Variants in FOXP2 observed in about 807,000 individuals in gnomAD.
FOXP2 encodes forkhead box protein P2.
FOXP2 carries 12 observed loss-of-function variants against 115.8 expected under a neutral mutation model. The observed-to-expected ratio is 0.10, with a 90% CI of 0.07 to 0.17. The LOEUF (loss-of-function observed/expected upper bound fraction) is 0.17, where lower values mean the gene tolerates loss of function less well. FOXP2 is among the 10% of genes least tolerant of loss of function. The pLI, the probability that FOXP2 is intolerant of heterozygous loss-of-function variation, is 1.00. For synonymous variants in FOXP2, 328 were observed against 297.7 expected, an observed-to-expected ratio of 1.10 and a Z score of -1.05; for missense variants, 629 against 843.5, an observed-to-expected ratio of 0.75 and a Z score of 3.15.
chr7:114,188,746 A>G (rs1376595254), intron 1 of FOXP2, among the ~76,000 whole-genome samples: 1 of 152,198 alleles, frequency 6.6e-6, no homozygotes, highest in Admixed American at 6.5e-5. Context: ...CCAATTTGCA[A>G]ACTCCATGAG....
chr7:114,324,482 A>T (rs954569020), intron 2 of FOXP2, among the ~76,000 whole-genome samples: 1 of 151,828 alleles, frequency 6.6e-6, no homozygotes, highest in Non-Finnish European at 1.5e-5. Flanking sequence ...TCTCTCTTCT[A>T]TACTTCTTGC....
intron 2 of FOXP2, among the ~76,000 whole-genome samples, chr7:114,315,513 G>A (rs1041639397): frequency 9.9e-5 from 15 of 151,558 alleles, no homozygotes; most frequent in African/African-American, 3.2e-4. Flanking sequence ...TTATATTTTG[G>A]GCTAGATAGA....
At chr7:114,652,177 C>T (rs754012342) in intron 8 of FOXP2, 26 bp from the exon 9 acceptor site, 2 of 1,607,764 alleles carry the variant, frequency 1.2e-6, no homozygotes, top group East Asian at 2.2e-5. Context: ...ACTTTACATT[C>T]TGTTTTGTGT....
intron 1 of FOXP2, among the ~76,000 whole-genome samples, chr7:114,203,118 G>A (rs1794113910): frequency 6.6e-6 from 1 of 152,154 alleles, no homozygotes; most frequent in African/African-American, 2.4e-5. Context: ...TGGTTTCTGA[G>A]GATTCATTGC....
intron 16 of FOXP2, among the ~76,000 whole-genome samples, chr7:114,678,545 C>CTATTTT (rs1475291523): frequency 4.1e-5 from 3 of 73,266 alleles, no homozygotes; most frequent in African/African-American, 1.1e-4. Context: ...AAATAAGTGA[C>CTATTTT]TCTTTTTTTT....
Position 114,658,163 on chromosome 7 carries a change from C to T in FOXP2, c.1364C>T (p.Thr455Ile), listed in dbSNP as rs1806687749. Residue 455 changes from threonine (T) to isoleucine (I), a missense_variant, in exon 11 of 17, where the codon ACC becomes ATC. Transcript: ENST00000350908. ...QTPTTPTAPV[T>I]PITQGPSVIT... ...CCTACCACACCAACGGCCCCAGTCA[C>T]CCCGATTACCCAGGGACCCTCAGTA... 1.2e-6 allele frequency: 2 copies of T among 1,613,782 alleles called. No homozygotes were observed. The highest frequency in any genetic ancestry group is 1.7e-6 in the Non-Finnish European group (2 of 1,179,900).
chr7:114,273,390 T>G (rs184674258), intron 1 of FOXP2, among the ~76,000 whole-genome samples: 30 of 152,162 alleles, frequency 2.0e-4, no homozygotes, highest in Admixed American at 5.9e-4. Context: ...TGTTCCCATG[T>G]GAGCTTGAGA....
chr7:114,372,530 G>C (rs552385885), intron 2 of FOXP2, among the ~76,000 whole-genome samples: 54 of 152,266 alleles, frequency 3.5e-4, no homozygotes, highest in Middle Eastern at 3.4e-3. Flanking sequence ...TACTCTATGT[G>C]AGTTTTCTCA....
intron 2 of FOXP2, among the ~76,000 whole-genome samples, chr7:114,312,434 C>G (rs1328962343): frequency 6.6e-6 from 1 of 152,102 alleles, no homozygotes. Context: ...TGAGAACATT[C>G]ACTTATGGAA....
intron 1 of FOXP2, among the ~76,000 whole-genome samples, chr7:114,281,220 G>A (rs1212724311): frequency 1.4e-5 from 2 of 146,848 alleles, no homozygotes; most frequent in African/African-American, 5.0e-5. Flanking sequence ...TCATGCCTCA[G>A]CCTCCCAAGT....
chr7:114,176,298 T>TTCTCTCTTTCTCTCTCTC (rs1793303365), intron 1 of FOXP2, among the ~76,000 whole-genome samples: 1 of 76,516 alleles, frequency 1.3e-5, no homozygotes, highest in African/African-American at 5.4e-5. Context: ...CTTTCTTTCT[T>TTCTCTCTTTCTCTCTCTC]TCTCTCTCTC....
At position 114,632,438 on chromosome 7, in the gene FOXP2, C is replaced by A. The variant is rs143862306; in HGVS notation, c.775+733C>A. On this transcript the variant is annotated intron_variant, in intron 6 of 16. Coordinates refer to ENST00000350908, the MANE Select transcript of FOXP2 (RefSeq NM_014491.4). ...ATAATGGTAAACAAATGACTGTGTGCTAAAATTCTCAATTCAGGTAAGTTA... is the reference window on the plus strand; with the variant it reads ...ATAATGGTAAACAAATGACTGTGTGATAAAATTCTCAATTCAGGTAAGTTA... Among the ~76,000 whole-genome samples, 24 of 152,204 alleles carry A rather than the reference C, an allele frequency of 1.6e-4. No homozygotes were observed. The East Asian group carries it at 3.7e-3, about 23-fold the overall frequency.
intron 2 of FOXP2, among the ~76,000 whole-genome samples, chr7:114,489,294 GT>G (rs911719911): frequency 6.6e-6 from 1 of 151,852 alleles, no homozygotes; most frequent in African/African-American, 2.4e-5. Flanking sequence ...TATAAGTTGG[GT>G]TTTTTTGAAA....
chr7:114,591,094 A>G (rs1802415965), intron 3 of FOXP2, among the ~76,000 whole-genome samples: 1 of 152,128 alleles, frequency 6.6e-6, no homozygotes, highest in African/African-American at 2.4e-5. Context: ...TCCTAAAAAT[A>G]TTGCTTTATG....
intron 2 of FOXP2, among the ~76,000 whole-genome samples, chr7:114,477,307 T>C (rs916960029): frequency 6.6e-6 from 1 of 151,916 alleles, no homozygotes; most frequent in African/African-American, 2.4e-5. Context: ...ACCATGTACA[T>C]CATGAAATAC....
At chr7:114,618,300 A>C (rs1247765696) in intron 3 of FOXP2, among the ~76,000 whole-genome samples, 1 of 152,242 alleles carries the variant, frequency 6.6e-6, no homozygotes, top group African/African-American at 2.4e-5. Flanking sequence ...TGTTGGAGGA[A>C]TACAAACCCT....
chr7:114,519,160 A>T (rs944555459), intron 2 of FOXP2, among the ~76,000 whole-genome samples: 2 of 152,196 alleles, frequency 1.3e-5, no homozygotes, highest in Non-Finnish European at 2.9e-5. Flanking sequence ...TCTTTAAAAT[A>T]ATTTTTAATT....
chr7:114,434,815 G>A (rs905284053), intron 2 of FOXP2, among the ~76,000 whole-genome samples: 1 of 151,966 alleles, frequency 6.6e-6, no homozygotes, highest in East Asian at 1.9e-4. Context: ...TTTTTCTGAT[G>A]TATGTGCATA....
intron 1 of FOXP2, among the ~76,000 whole-genome samples, chr7:114,090,126 T>C (rs1799513113): frequency 1.3e-5 from 2 of 151,924 alleles, no homozygotes; most frequent in Non-Finnish European, 3.0e-5. Context: ...GAAAACAAAA[T>C]GATGAACGTC....
Sources: gnomAD v4.1 joint callset for allele counts (sites outside exome capture counted in the v4.1 genomes callset) on GRCh38, gnomAD v4.1.1 for gene constraint, MANE v1.5 for transcripts, NCBI Gene and HGNC (gene_info 2026-07-23, HGNC 2026-07-21) for gene names.